ZC3H12B: variants seen among roughly 807,000 people sequenced by gnomAD.
ZC3H12B encodes the protein probable ribonuclease ZC3H12B.
ZC3H12B carries 7 observed loss-of-function variants against 43.9 expected under a neutral mutation model. That is an observed-to-expected ratio of 0.16 (90% CI 0.09 to 0.30). The LOEUF is 0.30. Ranked by LOEUF, ZC3H12B falls within the 10% of genes least tolerant of loss-of-function variation. The pLI is 1.00. For synonymous variants in ZC3H12B, 222 were observed against 241.7 expected, an observed-to-expected ratio of 0.92 and a Z score of 0.76; for missense variants, 475 against 670.2, an observed-to-expected ratio of 0.71 and a Z score of 3.22.
chrX:65,254,440 T>A, the ZC3H12B span, among the ~76,000 whole-genome samples: 1 of 112,525 alleles, frequency 8.9e-6, no homozygotes, highest in East Asian at 2.8e-4. Flanking sequence ...ACAACAGTGT[T>A]GAGCTGAGCC....
intron 3 of ZC3H12B, among the ~76,000 whole-genome samples, chrX:65,446,745 C>T (rs1041146127): frequency 3.6e-5 from 4 of 111,817 alleles, no homozygotes; most frequent in Non-Finnish European, 5.6e-5. Flanking sequence ...GGGGTGGTGT[C>T]GCAATTCAAG....
chrX:65,362,572 C>A (rs933924741), upstream of ZC3H12B, among the ~76,000 whole-genome samples: 5 of 110,318 alleles, frequency 4.5e-5, no homozygotes, highest in Non-Finnish European at 9.5e-5. Context: ...ATCTTCCTCT[C>A]ATATCCCCCC....
At chrX:65,217,635 A>T in the ZC3H12B span, among the ~76,000 whole-genome samples, 1 of 112,500 alleles carries the variant, frequency 8.9e-6, no homozygotes, top group East Asian at 2.8e-4. Context: ...AACAAGTAGA[A>T]ATTCTGAAGC....
chrX:65,453,595 G>A (rs1223636578), intron 3 of ZC3H12B, among the ~76,000 whole-genome samples: 3 of 105,480 alleles, frequency 2.8e-5, no homozygotes, highest in Non-Finnish European at 5.8e-5. Flanking sequence ...GGTGGTGCAC[G>A]CCTGTAGTCC....
the ZC3H12B span, among the ~76,000 whole-genome samples, chrX:65,320,177 G>T: frequency 9.0e-6 from 1 of 111,546 alleles, no homozygotes; most frequent in Non-Finnish European, 1.9e-5. Flanking sequence ...AGCTCCTTAA[G>T]CTGATAAACA....
the ZC3H12B span, among the ~76,000 whole-genome samples, chrX:65,290,368 A>T: frequency 9.0e-6 from 1 of 111,116 alleles, no homozygotes; most frequent in African/African-American, 3.3e-5. Flanking sequence ...GGGAAAAAGA[A>T]TTGCTTATAT....
intron 3 of ZC3H12B, among the ~76,000 whole-genome samples, chrX:65,411,768 A>T (rs1400886089): frequency 6.0e-5 from 6 of 100,689 alleles, no homozygotes; most frequent in African/African-American, 2.7e-4. Context: ...TAATAGTGTA[A>T]TTGGATTGTT....
At chrX:65,143,232 A>T in the ZC3H12B span, among the ~76,000 whole-genome samples, 1 of 110,664 alleles carries the variant, frequency 9.0e-6, no homozygotes, top group Non-Finnish European at 1.9e-5. Context: ...TTGGTTAGGT[A>T]TATTCTTAAG....
chrX:65,261,690 G>T, the ZC3H12B span, among the ~76,000 whole-genome samples: 1 of 109,643 alleles, frequency 9.1e-6, no homozygotes, highest in Non-Finnish European at 1.9e-5. Context: ...ATTAACAAAA[G>T]GCTAAGCAAA....
the ZC3H12B span, among the ~76,000 whole-genome samples, chrX:65,275,970 A>G: frequency 8.9e-6 from 1 of 111,765 alleles, no homozygotes; most frequent in African/African-American, 3.2e-5. Context: ...CATGATTTTA[A>G]TGAAAAATTC....
At chrX:65,319,708 C>T in the ZC3H12B span, among the ~76,000 whole-genome samples, 1 of 111,212 alleles carries the variant, frequency 9.0e-6, no homozygotes, top group East Asian at 2.8e-4. Flanking sequence ...AGCAGCACAT[C>T]AAAAAGCTAA....
At chrX:65,357,222 T>C in the ZC3H12B span, 1 of 390,447 alleles carries the variant, frequency 2.6e-6, no homozygotes, top group Non-Finnish European at 4.7e-6. Flanking sequence ...ATAGATTTCA[T>C]GAGAATATCC....
At chrX:65,350,233 A>G in the ZC3H12B span, among the ~76,000 whole-genome samples, 2 of 112,114 alleles carry the variant, frequency 1.8e-5, no homozygotes, top group Non-Finnish European at 3.8e-5. Context: ...AAACCATCAC[A>G]TAAACAGAAG....
chrX:65,079,807 C>T, the ZC3H12B span, among the ~76,000 whole-genome samples: 1 of 111,026 alleles, frequency 9.0e-6, no homozygotes, highest in Non-Finnish European at 1.9e-5. Context: ...CTCTTCAATA[C>T]CCAGACACCA....
At chrX:65,060,333 C>T in the ZC3H12B span, among the ~76,000 whole-genome samples, 1 of 111,894 alleles carries the variant, frequency 8.9e-6, no homozygotes, top group Non-Finnish European at 1.9e-5. Context: ...AGCTATAGGT[C>T]TGCTGTTTTT....
At chrX:65,072,195 G>A in the ZC3H12B span, among the ~76,000 whole-genome samples, 1 of 111,673 alleles carries the variant, frequency 9.0e-6, no homozygotes, top group Non-Finnish European at 1.9e-5. Flanking sequence ...ATTTCAGAAA[G>A]GCAGTCTTCA....
the ZC3H12B span, among the ~76,000 whole-genome samples, chrX:65,144,212 C>A: frequency 2.7e-5 from 3 of 111,305 alleles, no homozygotes. Flanking sequence ...TCTGATTCTT[C>A]CTGGTTTAAG....
intron 2 of ZC3H12B, among the ~76,000 whole-genome samples, chrX:65,498,012 C>T (rs1482067406): frequency 9.0e-6 from 1 of 111,256 alleles, no homozygotes; most frequent in Non-Finnish European, 1.9e-5. Context: ...TCAGGTTTTT[C>T]TCCCACCTCA....
the ZC3H12B span, among the ~76,000 whole-genome samples, chrX:65,196,812 A>G: frequency 9.0e-6 from 1 of 111,600 alleles, no homozygotes; most frequent in Non-Finnish European, 1.9e-5. Flanking sequence ...CAAAGAGGAA[A>G]CGGAGGTTTT....
Sources: gnomAD v4.1 joint callset for allele counts (sites outside exome capture counted in the v4.1 genomes callset) on GRCh38, gnomAD v4.1.1 for gene constraint, MANE v1.5 for transcripts, NCBI Gene and HGNC (gene_info 2026-07-23, HGNC 2026-07-21) for gene names.